Variants in CCNF observed in about 807,000 individuals in gnomAD.
CCNF encodes the protein cyclin F.
In CCNF, 30 loss-of-function variants were observed where a neutral mutation model predicts 85.4. The ratio of observed to expected loss-of-function variants is 0.35; its 90% CI spans 0.26 to 0.48. The LOEUF is 0.48. CCNF is among the 20% of genes least tolerant of loss of function. CCNF has a pLI of 0.99. For missense variants in CCNF, 919 were observed against 1,010.4 expected (o/e 0.91, Z 1.23); for synonymous variants, 439 against 425.1 (o/e 1.03, Z -0.40).
Position 2,453,453 on chromosome 16 carries a change from A to T in CCNF, c.1631A>T (p.Gln544Leu). The change falls in exon 15 of 17, where the codon CAA becomes CTA. Residue 544 changes from glutamine (Q) to leucine (L), a missense_variant. Gln to Leu is a moderately radical substitution (Grantham distance 113). Coordinates refer to ENST00000397066, the MANE Select transcript of CCNF (RefSeq NM_001761.3). The surrounding 1 kb of genome is among the most constrained non-coding windows in gnomAD (Gnocchi z 5.6). ...SQLCAALGVT[Q>L]DSPDPPTFLS... ...TTGTGTGCTGCATTAGGAGTGACAC[A>T]AGACAGCCCCGACCCCCCGACTTTC... The T allele has an allele frequency of 6.2e-7, 1 of 1,614,040 alleles. No individual in the cohort carries two copies. Among genetic ancestry groups the T allele is most frequent in the South Asian group, 1.1e-5 (1 of 91,084 alleles).
In CCNF at chr16:2,438,139, C is replaced by T. The variant is rs1466860620; in HGVS notation, c.594+16C>T. ...TCTGTTCGAGGTGAGTCAAGTTGTT[C>T]TCTGCACTGGGACTTTGTGTTCGAT... On this transcript the variant is annotated intron_variant, in intron 6 of 16. Transcript: ENST00000397066. 2 of 1,578,532 alleles carry T rather than the reference C, an allele frequency of 1.3e-6. No homozygotes were observed. The highest frequency in any genetic ancestry group is 2.2e-5 in the South Asian group (2 of 90,300).
In CCNF at chr16:2,429,500, G is replaced by T; in HGVS notation, c.16+3G>T. 1 of 1,232,210 alleles carries T rather than the reference G, an allele frequency of 8.1e-7. No homozygotes were observed. Among genetic ancestry groups the T allele is most frequent in the Non-Finnish European group, 1.0e-6 (1 of 987,860 alleles). The allele number at this position is 1,232,210 out of a possible 1,614,324, so 76.3% of individuals were successfully genotyped here. On this transcript the variant is annotated splice_donor_region_variant and intron_variant, in intron 1 of 16. Coordinates refer to ENST00000397066, the MANE Select transcript of CCNF (RefSeq NM_001761.3). ...CGCGGCGATGGGGAGCGGCGGCGGTGAGTGCGGGGCGATGTCCGCTGGTTT... is the reference window on the plus strand; with the variant it reads ...CGCGGCGATGGGGAGCGGCGGCGGTTAGTGCGGGGCGATGTCCGCTGGTTT...
chr16:2,440,820 G>T (rs1306396011), intron 8 of CCNF, among the ~76,000 whole-genome samples: 1 of 152,200 alleles, frequency 6.6e-6, no homozygotes, highest in Non-Finnish European at 1.5e-5. Context: ...CAGACGTGAT[G>T]GCTCACGCCT....
Position 2,439,817 on chromosome 16 carries a change from G to A in CCNF, c.768G>A (p.Trp256Ter). Reference protein sequence around the residue: ...KLRDYAAKGCWEAQLSLAKAC... With the variant: ...KLRDYAAKGC The stretch of plus-strand genomic sequence containing the variant: ...GGGACTACGCTGCCAAAGGCTGCTG[G>A]GAAGCGCAGGTGAGGTGCGGGGCTG... The change falls in exon 8 of 17, where the codon TGG (tryptophan) becomes TGA (stop). Residue 256 changes from tryptophan to a stop codon, truncating the protein, a stop_gained. Transcript: ENST00000397066. LOFTEE classifies it high-confidence loss of function. The A allele has an allele frequency of 6.2e-7, 1 of 1,614,054 alleles. No homozygotes were observed. The highest frequency in any genetic ancestry group is 8.5e-7 in the Non-Finnish European group (1 of 1,179,926).
Position 2,453,428 on chromosome 16 carries a change from T to TTG in CCNF, c.1611_1612dup (p.Ala538ValfsTer4). ...CCCTCAGGTGCTGAGCTACAGCCAGTTGTGTGCTGCATTAGGAGTGACACA... is the reference window on the plus strand; with the variant it reads ...CCCTCAGGTGCTGAGCTACAGCCAGTTGTGTGTGCTGCATTAGGAGTGACACA... On this transcript the variant is annotated frameshift_variant, in exon 15 of 17. Transcript: ENST00000397066. LOFTEE classifies it high-confidence loss of function. This position sits in a 1 kb window ranked among gnomAD's most constrained non-coding sequence, Gnocchi z 5.6. 1 of 1,614,030 alleles carries TTG rather than the reference T, an allele frequency of 6.2e-7. No homozygotes were observed. The highest frequency in any genetic ancestry group is 2.2e-5 in the East Asian group (1 of 44,886).
intron 11 of CCNF, 64 bp downstream of exon 11, chr16:2,449,042 G>GGGGGGGGGGC: frequency 2.9e-6 from 2 of 683,604 alleles, no homozygotes; most frequent in Non-Finnish European, 5.5e-6. Flanking sequence ...GTGGGGGTGG[G>GGGGGGGGGGC]CATTCAGCTT....
rs2065383492 is a variant in CCNF at position 2,449,776 on chromosome 16, A to ATGCCCTCCG, written c.1400-51_1400-50insGCCCTCCGT. 21 of 383,610 alleles carry ATGCCCTCCG rather than the reference A, an allele frequency of 5.5e-5. 1 individual carries two copies. The highest frequency in any genetic ancestry group is 8.6e-5 in the Non-Finnish European group (20 of 231,996). The allele number at this position is 383,610 out of a possible 1,614,324, so 23.8% of individuals were successfully genotyped here. ...TCACCACAGCCCCTCCGTCCCCTCC[A>ATGCCCTCCG]TCCCCTCCGTCCCCTCCATCCCCTC... On this transcript the variant is annotated intron_variant, in intron 12 of 16. Coordinates refer to ENST00000397066, the MANE Select transcript of CCNF (RefSeq NM_001761.3).
rs2065394878 is a variant in CCNF at position 2,451,476 on chromosome 16, G to A, written c.1487+1561G>A. On this transcript the variant is annotated intron_variant, in intron 13 of 16. Coordinates refer to ENST00000397066, the MANE Select transcript of CCNF (RefSeq NM_001761.3). The surrounding 1 kb of genome is among the most constrained non-coding windows in gnomAD (Gnocchi z 4.3). ...CACAGACTTGCTCCTCCCACCTCTC[G>A]GCACCCCCACTCCCTGGTCTCCCAC... Among the ~76,000 whole-genome samples the A allele has an allele frequency of 6.6e-6, 1 of 152,106 alleles. No homozygotes were observed. The highest frequency in any genetic ancestry group is 2.4e-5 in the African/African-American group (1 of 41,412).
In CCNF at chr16:2,437,811, A is replaced by G. The variant is rs530660647; in HGVS notation, c.541-259A>G. The G allele has an allele frequency of 5.2e-4, 248 of 472,928 alleles. 1 individual carries two copies. The highest frequency in any genetic ancestry group is 4.5e-3 in the African/African-American group (232 of 51,290). The allele number at this position is 472,928 out of a possible 1,614,324, so 29.3% of individuals were successfully genotyped here. ...CTACTCAGGAGGCTGCGGTGGGAGG[A>G]TCGCTTGAGCCTGGGAGGTTGAGCT... On this transcript the variant is annotated intron_variant, in intron 5 of 16. Transcript: ENST00000397066.
intron 8 of CCNF, among the ~76,000 whole-genome samples, chr16:2,441,956 TATATATATATATATATATA>T (rs1443802255): frequency 1.9e-5 from 2 of 102,590 alleles, no homozygotes; most frequent in East Asian, 5.3e-4. Context: ...TATATATATA[TATATATATATATATATATA>T]TATATATGTT....
At chr16:2,454,341 T>G (rs980486561) in intron 15 of CCNF, among the ~76,000 whole-genome samples, 1 of 152,128 alleles carries the variant, frequency 6.6e-6, no homozygotes, top group African/African-American at 2.4e-5. Context: ...GACCTGACCC[T>G]CCTGTGTCAC....
At position 2,435,829 on chromosome 16, in the gene CCNF, A is replaced by C. The variant is rs767259178; in HGVS notation, c.302A>C (p.Glu101Ala). Residue 101 changes from glutamate (E) to alanine (A), a missense_variant, in exon 4 of 17, where the codon GAA becomes GCA. By Grantham distance (107) the Glu-to-Ala change is moderately radical (BLOSUM62 -1). Coordinates refer to ENST00000397066, the MANE Select transcript of CCNF (RefSeq NM_001761.3). The part of the protein sequence containing the change: ...FERAAEKGNF[E>A]AAVKLGIAYL... ...AGGGCTGCTGAAAAGGGGAATTTCGAAGCTGCTGTGAAGCTGGGCATAGCC... is the reference window on the plus strand; with the variant it reads ...AGGGCTGCTGAAAAGGGGAATTTCGCAGCTGCTGTGAAGCTGGGCATAGCC... The C allele has an allele frequency of 5.6e-6, 9 of 1,613,650 alleles. No homozygotes were observed. The African/African-American group carries it at 1.2e-4, about 22-fold the overall frequency.
At chr16:2,430,204 A>G (rs1262932902) in intron 1 of CCNF, among the ~76,000 whole-genome samples, 1 of 152,050 alleles carries the variant, frequency 6.6e-6, no homozygotes, top group Non-Finnish European at 1.5e-5. Flanking sequence ...ATTTGGGCCC[A>G]CAGAGGGGAG....
At position 2,444,143 on chromosome 16, in the gene CCNF, T is replaced by A. The variant is rs1291370423; in HGVS notation, c.929+343T>A. 3.3e-5 allele frequency among the ~76,000 whole-genome samples: 5 copies of A among 151,962 alleles called. No individual in the cohort carries two copies. The East Asian group carries it at 9.7e-4, about 29-fold the overall frequency. Reference sequence around the variant, plus strand: ...ACCATGTTAGCCAGGATGGTCTCAATCTCCTGACCTCGTGATCCGCCCGCT... The same window carrying A: ...ACCATGTTAGCCAGGATGGTCTCAAACTCCTGACCTCGTGATCCGCCCGCT... On this transcript the variant is annotated intron_variant, in intron 9 of 16. Coordinates refer to ENST00000397066, the MANE Select transcript of CCNF (RefSeq NM_001761.3).
rs1162777935 is a variant in CCNF, at chr16:2,457,379, C to T, written c.*359C>T. 1 of 190,022 alleles carries T rather than the reference C, an allele frequency of 5.3e-6. No homozygotes were observed. The highest frequency in any genetic ancestry group is 5.4e-5 in the Admixed American group (1 of 18,520). 11.8% of individuals were successfully genotyped at this position (190,022 alleles called of 1,614,324 possible). A position where few individuals can be genotyped will look rare whatever the true frequency, so the allele number is the denominator to read the frequency against. On this transcript the variant is annotated 3_prime_UTR_variant, in exon 17 of 17. Transcript: ENST00000397066. ...AGAGCCCCGTGCCGGGAGCTGACAGCTTTCACGCTTAAGGCACGTGTGACC... is the reference window on the plus strand; with the variant it reads ...AGAGCCCCGTGCCGGGAGCTGACAGTTTTCACGCTTAAGGCACGTGTGACC...
chr16:2,436,051 A>G, intron 4 of CCNF, 178 bp downstream of exon 4: 1 of 500,996 alleles, frequency 2.0e-6, no homozygotes, highest in Non-Finnish European at 3.6e-6. Flanking sequence ...GGACCTGCTA[A>G]TGATACTCTG....
In CCNF at chr16:2,431,233, C is replaced by G. The variant is rs777842545; in HGVS notation, c.120C>G (p.Leu40=). Residue 40 remains leucine (L), a synonymous_variant, in exon 2 of 17, where the codon CTC becomes CTG. Transcript: ENST00000397066. ...TCTTGAGTCTCCCCGAAGATGTGCTCTTTCACATCCTGAAATGGCTTTCTG... is the reference window on the plus strand; with the variant it reads ...TCTTGAGTCTCCCCGAAGATGTGCTGTTTCACATCCTGAAATGGCTTTCTG... The part of the protein sequence containing the change: ...LTILSLPEDV[L]FHILKWLSVE... 7.4e-6 allele frequency: 12 copies of G among 1,614,148 alleles called. No homozygotes were observed. Among genetic ancestry groups the G allele is most frequent in the Non-Finnish European group, 9.3e-6 (11 of 1,180,004 alleles).
Position 2,457,368 on chromosome 16 carries a change from G to A in CCNF, c.*348G>A, listed in dbSNP as rs570856387. 2.5e-5 allele frequency: 5 copies of A among 197,002 alleles called. No homozygotes were observed. The highest frequency in any genetic ancestry group is 5.4e-5 in the Admixed American group (1 of 18,616). 12.2% of individuals were successfully genotyped at this position (197,002 alleles called of 1,614,324 possible). On this transcript the variant is annotated 3_prime_UTR_variant, in exon 17 of 17. Transcript: ENST00000397066. ...CCAGCCCCACCAGAGCCCCGTGCCGGGAGCTGACAGCTTTCACGCTTAAGG... is the reference window on the plus strand; with the variant it reads ...CCAGCCCCACCAGAGCCCCGTGCCGAGAGCTGACAGCTTTCACGCTTAAGG...
At position 2,437,547 on chromosome 16, in the gene CCNF, G is replaced by A. The variant is rs543598536; in HGVS notation, c.540+225G>A. ...CTGTGGAGTTCTGGGTACACGTGCT[G>A]ACAGCTGGAAACATGGGGCTGAGGC... On this transcript the variant is annotated intron_variant, in intron 5 of 16. Coordinates refer to ENST00000397066, the MANE Select transcript of CCNF (RefSeq NM_001761.3). The A allele has an allele frequency of 5.5e-4, 265 of 484,130 alleles. 2 individuals carry two copies. In the South Asian group the frequency reaches 7.4e-3, roughly 13 times the overall value. The allele number at this position is 484,130 out of a possible 1,614,324, so 30.0% of individuals were successfully genotyped here.
Sources: allele counts gnomAD v4.1 joint callset (sites outside exome capture counted in the v4.1 genomes callset), GRCh38; gene constraint gnomAD v4.1.1; non-coding constraint Gnocchi (gnomAD v3.1); transcripts MANE v1.5; gene names NCBI Gene and HGNC (gene_info 2026-07-23, HGNC 2026-07-21).